The following HNRNPCL2 variants were observed in gnomAD, a reference collection of about 807,000 sequenced individuals.
HNRNPCL2 encodes heterogeneous nuclear ribonucleoprotein C-like 2.
Under a neutral mutation model 18.2 loss-of-function variants are expected in HNRNPCL2, and 17 were observed. The observed-to-expected ratio is 0.94, with a 90% CI of 0.64 to 1.40. HNRNPCL2 has a LOEUF of 1.40. HNRNPCL2 is among the 40% of genes most tolerant of loss of function. HNRNPCL2 has a pLI of 0.00. For missense variants in HNRNPCL2, 358 were observed against 357.1 expected, an observed-to-expected ratio of 1.00 and a Z score of -0.02; for synonymous variants, 133 against 129.9, an observed-to-expected ratio of 1.02 and a Z score of -0.16.
At chr1:13,116,627 A>T in intron 1 of HNRNPCL2, 46 bp from the exon 2 acceptor site, 2 of 928,168 alleles carry the variant, frequency 2.2e-6, no homozygotes. Flanking sequence ...TGAAATCACG[A>T]CAAAATTGCA....
In HNRNPCL2 at chr1:13,115,779, G is replaced by C. The variant is rs1331201054; in HGVS notation, c.622C>G (p.Gln208Glu). ...LENLEKIEKE[Q>E]SKQEVEVKNA... ...TTCACCTCTACCTCTTGTTTGCTCT[G>C]TTCCTTTTCAATTTTTTCCAGGTTT... Residue 208 changes from glutamine (Q) to glutamate (E), a missense_variant, in exon 2 of 2, where the codon CAG becomes GAG. Physicochemically the swap from Gln to Glu is conservative, Grantham distance 29. Coordinates refer to ENST00000621994, the MANE Select transcript of HNRNPCL2 (RefSeq NM_001136561.3). The C allele has an allele frequency of 1.1e-5, 18 of 1,613,412 alleles. No individual in the cohort carries two copies. The highest frequency in any genetic ancestry group is 1.5e-5 in the Non-Finnish European group (18 of 1,179,932).
Position 13,116,506 on chromosome 1 carries a change from C to T in HNRNPCL2, c.-106G>A, listed in dbSNP as rs549658364. ...GCCGGGTTCTACGGGGAGAAACTGA[C>T]TGCGGCTCGAGGCCAGAAATGCAGC... is the stretch of plus-strand genomic sequence containing the variant. On this transcript the variant is annotated 5_prime_UTR_variant, in exon 2 of 2. Transcript: ENST00000621994. 206 of 1,460,610 alleles carry T rather than the reference C, an allele frequency of 1.4e-4. No homozygotes were observed. Among genetic ancestry groups the T allele is most frequent in the Middle Eastern group, 1.8e-4 (1 of 5,498 alleles). 90.5% of individuals were successfully genotyped at this position (1,460,610 alleles called of 1,614,324 possible).
In HNRNPCL2 at chr1:13,116,139, G is replaced by T. The variant is rs745878158; in HGVS notation, c.262C>A (p.Pro88Thr). The change falls in exon 2 of 2, where the codon CCA becomes ACA. Residue 88 changes from proline to threonine, a missense_variant. Transcript: ENST00000621994. ...CCTGCGTTTCCTCGGTTCACTTTTGGCTCTGCAGCCAGGTTAATAACTGCA... is the reference window on the plus strand; with the variant it reads ...CCTGCGTTTCCTCGGTTCACTTTTGTCTCTGCAGCCAGGTTAATAACTGCA... Reference protein sequence around the residue: ...QVAVINLAAEPKVNRGNAGVK... With the variant: ...QVAVINLAAETKVNRGNAGVK... The T allele has an allele frequency of 1.2e-6, 2 of 1,611,056 alleles. No homozygotes were observed. Among genetic ancestry groups the T allele is most frequent in the African/African-American group, 1.3e-5 (1 of 74,510 alleles).
In HNRNPCL2 at chr1:13,115,755, T is replaced by A. The variant is rs1358991792; in HGVS notation, c.646A>T (p.Lys216Ter). 5 of 1,613,626 alleles carry A rather than the reference T, an allele frequency of 3.1e-6. No homozygotes were observed. The highest frequency in any genetic ancestry group is 8.5e-7 in the Non-Finnish European group (1 of 1,179,976). Residue 216 changes from lysine to a stop codon, truncating the protein, a stop_gained, in exon 2 of 2, where the codon AAA becomes TAA. Transcript: ENST00000621994. LOFTEE classifies it high-confidence loss of function. ...TGCTCCTCTTCTGACTTAGCATTTT[T>A]CACCTCTACCTCTTGTTTGCTCTGT... ...KEQSKQEVEV[K>*]NAKSEEEQSS...
chr1:13,116,228 T>A lies in HNRNPCL2; in HGVS notation c.173A>T (p.Asp58Val). 6.2e-7 allele frequency: 1 copy of A among 1,612,362 alleles called. No homozygotes were observed. Among genetic ancestry groups the A allele is most frequent in the Non-Finnish European group, 8.5e-7 (1 of 1,179,684 alleles). Reference protein sequence around the residue: ...VHKGFAFVQYDKEKNARAAVA... With the variant: ...VHKGFAFVQYVKEKNARAAVA... The stretch of plus-strand genomic sequence containing the variant: ...AGCAGCCCGGGCATTTTTCTCCTTA[T>A]CATATTGAACGAAGGCAAAGCCCTT... The change falls in exon 2 of 2, where the codon GAT becomes GTT. Residue 58 changes from aspartate to valine, a missense_variant. Physicochemically the swap from Asp to Val is radical, Grantham distance 152. Coordinates refer to ENST00000621994, the MANE Select transcript of HNRNPCL2 (RefSeq NM_001136561.3).
rs77416578 is a variant in HNRNPCL2, at chr1:13,116,733, G to A, written c.-182+60C>T. 8.6e-4 allele frequency: 324 copies of A among 378,146 alleles called. 3 individuals carry two copies. The highest frequency in any genetic ancestry group is 3.4e-3 in the South Asian group (78 of 22,772). The allele number at this position is 378,146 out of a possible 1,614,324, so 23.4% of individuals were successfully genotyped here. On this transcript the variant is annotated intron_variant, in intron 1 of 1. Transcript: ENST00000621994. ...TGCCATCGTAGGCTGCACTGTCACC[G>A]TTCTAGACCGGCTGACTGTAGGTCA...
chr1:13,116,459 A>T lies in HNRNPCL2; in HGVS notation c.-59T>A. On this transcript the variant is annotated 5_prime_UTR_variant, in exon 2 of 2. Transcript: ENST00000621994. Reference sequence around the variant, plus strand: ...AAACAGGAGGCGGGAGGGAGAAGAGATTCGATTCTAAGTCTCCTACTGCCG... The same window carrying T: ...AAACAGGAGGCGGGAGGGAGAAGAGTTTCGATTCTAAGTCTCCTACTGCCG... 6.5e-7 allele frequency: 1 copy of T among 1,546,906 alleles called. No homozygotes were observed. Among genetic ancestry groups the T allele is most frequent in the South Asian group, 1.3e-5 (1 of 78,192 alleles).
In HNRNPCL2 at chr1:13,115,505, A is replaced by G. The variant is rs763416096; in HGVS notation, c.*14T>C. 2.6e-6 allele frequency: 4 copies of G among 1,553,880 alleles called. No individual in the cohort carries two copies. The East Asian group carries it at 9.0e-5, about 35-fold the overall frequency. The stretch of plus-strand genomic sequence containing the variant: ...AGAAACAATGGGATAAGATTTCTCA[A>G]CCCCACTATGTGCTTAAGAGTCATC... On this transcript the variant is annotated 3_prime_UTR_variant, in exon 2 of 2. Transcript: ENST00000621994.
chr1:13,116,341 A>G lies in HNRNPCL2; in HGVS notation c.60T>C (p.Ile20=). 6.2e-7 allele frequency: 1 copy of G among 1,613,182 alleles called. No homozygotes were observed. The highest frequency in any genetic ancestry group is 8.5e-7 in the Non-Finnish European group (1 of 1,179,748). Residue 20 remains isoleucine (I), a synonymous_variant, in exon 2 of 2, where the codon ATT becomes ATC. Coordinates refer to ENST00000621994, the MANE Select transcript of HNRNPCL2 (RefSeq NM_001136561.3). ...DPHSVNSRVF[I]GNLNTLVVKK... ...TGACAACAAGAGTGTTGAGATTCCC[A>G]ATGAACACACGGGAGTTCACGGAGT...
In HNRNPCL2 at chr1:13,115,543, G is replaced by T; in HGVS notation, c.858C>A (p.Ser286Arg). The T allele has an allele frequency of 6.2e-7, 1 of 1,609,874 alleles. No homozygotes were observed. Among genetic ancestry groups the T allele is most frequent in the Non-Finnish European group, 8.5e-7 (1 of 1,178,224 alleles). ...DAEEGEDNRD[S>R]TNGQDDS Reference sequence around the variant, plus strand: ...CTTAAGAGTCATCCTGGCCATTGGTGCTGTCTCTGTTATCCTCTCCTTCCT... The same window carrying T: ...CTTAAGAGTCATCCTGGCCATTGGTTCTGTCTCTGTTATCCTCTCCTTCCT... The change falls in exon 2 of 2, where the codon AGC becomes AGA. Residue 286 changes from serine to arginine, a missense_variant. Coordinates refer to ENST00000621994, the MANE Select transcript of HNRNPCL2 (RefSeq NM_001136561.3).
In HNRNPCL2 at chr1:13,116,223, CCTT is replaced by C. The variant is rs1557695593; in HGVS notation, c.175_177del (p.Lys59del). 1 of 1,612,340 alleles carries C rather than the reference CCTT, an allele frequency of 6.2e-7. No individual in the cohort carries two copies. On this transcript the variant is annotated inframe_deletion, in exon 2 of 2. Transcript: ENST00000621994. ...GCTACAGCAGCCCGGGCATTTTTCT[CCTT>C]ATCATATTGAACGAAGGCAAAGCCC...
At position 13,115,840 on chromosome 1, in the gene HNRNPCL2, C is replaced by G. The variant is rs1642812528; in HGVS notation, c.561G>C (p.Leu187Phe). The G allele has an allele frequency of 6.2e-7, 1 of 1,612,968 alleles. No homozygotes were observed. Among genetic ancestry groups the G allele is most frequent in the African/African-American group, 1.3e-5 (1 of 74,388 alleles). ...AATCCACTTTCTGTTTTATCTGGGT[C>G]AACTCCTGCTTAATGGCCTGAAGGT... ...GDDLQAIKQE[L>F]TQIKQKVDSL... Residue 187 changes from leucine (L) to phenylalanine (F), a missense_variant, in exon 2 of 2, where the codon TTG becomes TTC. Transcript: ENST00000621994.
rs796614842 is a variant in HNRNPCL2 at position 13,116,811 on chromosome 1, A to G, written c.-200T>C. The G allele has an allele frequency of 4.8e-6, 1 of 210,184 alleles. No individual in the cohort carries two copies. The highest frequency in any genetic ancestry group is 1.1e-4 in the East Asian group (1 of 9,314). 13.0% of individuals were successfully genotyped at this position (210,184 alleles called of 1,614,324 possible). A position where few individuals can be genotyped will look rare whatever the true frequency, so the allele number is the denominator to read the frequency against. Reference sequence around the variant, plus strand: ...GACTTACCAGATCTGGTTGTAGTTTAGAAGGTGCTCAGACCTCAGGAAGAG... The same window carrying G: ...GACTTACCAGATCTGGTTGTAGTTTGGAAGGTGCTCAGACCTCAGGAAGAG... On this transcript the variant is annotated 5_prime_UTR_variant, in exon 1 of 2. Coordinates refer to ENST00000621994, the MANE Select transcript of HNRNPCL2 (RefSeq NM_001136561.3).
In HNRNPCL2 at chr1:13,115,838, G is replaced by C; in HGVS notation, c.563C>G (p.Thr188Ser). 1 of 1,612,824 alleles carries C rather than the reference G, an allele frequency of 6.2e-7. No homozygotes were observed. Among genetic ancestry groups the C allele is most frequent in the Non-Finnish European group, 8.5e-7 (1 of 1,179,598 alleles). Residue 188 changes from threonine (T) to serine (S), a missense_variant, in exon 2 of 2, where the codon ACC becomes AGC. Physicochemically the swap from Thr to Ser is moderately conservative, Grantham distance 58 (BLOSUM62 1). Transcript: ENST00000621994. ...AGAATCCACTTTCTGTTTTATCTGG[G>C]TCAACTCCTGCTTAATGGCCTGAAG... ...DDLQAIKQEL[T>S]QIKQKVDSLL... is the part of the protein sequence containing the mutation.
Position 13,116,452 on chromosome 1 carries a change from A to G in HNRNPCL2, c.-52T>C. 1 of 1,554,030 alleles carries G rather than the reference A, an allele frequency of 6.4e-7. No homozygotes were observed. Among genetic ancestry groups the G allele is most frequent in the Non-Finnish European group, 8.7e-7 (1 of 1,152,392 alleles). On this transcript the variant is annotated 5_prime_UTR_variant, in exon 2 of 2. Coordinates refer to ENST00000621994, the MANE Select transcript of HNRNPCL2 (RefSeq NM_001136561.3). ...AAGCCAAAAACAGGAGGCGGGAGGG[A>G]GAAGAGATTCGATTCTAAGTCTCCT... is the stretch of plus-strand genomic sequence containing the variant.
In HNRNPCL2 at chr1:13,115,918, A is replaced by T; in HGVS notation, c.483T>A (p.Asn161Lys). Reference protein sequence around the residue: ...NTSRRGKSGFNSKSGKRGSSK... With the variant: ...NTSRRGKSGFKSKSGKRGSSK... Reference sequence around the variant, plus strand: ...AAGATCCCCGCTTTCCACTCTTAGAATTGAAGCCACTTTTGCCCCTTCGTG... The same window carrying T: ...AAGATCCCCGCTTTCCACTCTTAGATTTGAAGCCACTTTTGCCCCTTCGTG... Residue 161 changes from asparagine (N) to lysine (K), a missense_variant, in exon 2 of 2, where the codon AAT (asparagine) becomes AAA (lysine). Asn to Lys is a moderately conservative substitution (Grantham distance 94). Coordinates refer to ENST00000621994, the MANE Select transcript of HNRNPCL2 (RefSeq NM_001136561.3). 2 of 1,612,972 alleles carry T rather than the reference A, an allele frequency of 1.2e-6. No individual in the cohort carries two copies. Among genetic ancestry groups the T allele is most frequent in the Admixed American group, 1.7e-5 (1 of 59,962 alleles).
At position 13,116,369 on chromosome 1, in the gene HNRNPCL2, G is replaced by A; in HGVS notation, c.32C>T (p.Pro11Leu). The A allele has an allele frequency of 1.2e-6, 2 of 1,613,132 alleles. No individual in the cohort carries two copies. The highest frequency in any genetic ancestry group is 1.7e-6 in the Non-Finnish European group (2 of 1,179,704). Residue 11 changes from proline (P) to leucine (L), a missense_variant, in exon 2 of 2, where the codon CCT becomes CTT. Pro to Leu is a moderately conservative substitution (Grantham distance 98). Transcript: ENST00000621994. MASNVTNKMDPHSVNSRVFIG... is the reference protein window; with the variant it reads MASNVTNKMDLHSVNSRVFIG... ...GAACACACGGGAGTTCACGGAGTGAGGATCCATCTTGTTGGTAACGTTGCT... is the reference window on the plus strand; with the variant it reads ...GAACACACGGGAGTTCACGGAGTGAAGATCCATCTTGTTGGTAACGTTGCT...
At position 13,115,727 on chromosome 1, in the gene HNRNPCL2, C is replaced by T; in HGVS notation, c.674G>A (p.Ser225Asn). The change falls in exon 2 of 2, where the codon AGC (serine) becomes AAC (asparagine). Residue 225 changes from serine (S) to asparagine (N), a missense_variant. Ser to Asn is a conservative substitution (Grantham distance 46). Transcript: ENST00000621994. ...CTCATCTTTCTTCATGGAGCTACTGCTCTGCTCCTCTTCTGACTTAGCATT... is the reference window on the plus strand; with the variant it reads ...CTCATCTTTCTTCATGGAGCTACTGTTCTGCTCCTCTTCTGACTTAGCATT... ...VKNAKSEEEQ[S>N]SSSMKKDETH... 6.2e-7 allele frequency: 1 copy of T among 1,613,614 alleles called. No individual in the cohort carries two copies. Among genetic ancestry groups the T allele is most frequent in the South Asian group, 1.1e-5 (1 of 91,066 alleles).
chr1:13,116,085 C>G lies in HNRNPCL2; in HGVS notation c.316G>C (p.Gly106Arg). 2.5e-6 allele frequency: 4 copies of G among 1,613,316 alleles called. No homozygotes were observed. Among genetic ancestry groups the G allele is most frequent in the Non-Finnish European group, 2.5e-6 (3 of 1,179,874 alleles). ...CCATAGTCCAAGTCAAAAGAGGAGC[C>G]GTACATCTCCGCTGCGGATCGTTTC... ...GVKRSAAEMY[G>R]SSFDLDYGFQ... Residue 106 changes from glycine to arginine, a missense_variant, in exon 2 of 2, where the codon GGC becomes CGC. Coordinates refer to ENST00000621994, the MANE Select transcript of HNRNPCL2 (RefSeq NM_001136561.3).
Sources: allele counts gnomAD v4.1 joint callset, GRCh38; gene constraint gnomAD v4.1.1; transcripts MANE v1.5; gene names NCBI Gene and HGNC (gene_info 2026-07-23, HGNC 2026-07-21).